CUL4A: variants seen among roughly 807,000 people sequenced by gnomAD.
The protein encoded by CUL4A is cullin 4A, also known as cullin-4A.
CUL4A carries 16 observed loss-of-function variants against 95.5 expected under a neutral mutation model. The ratio of observed to expected loss-of-function variants is 0.17; its 90% CI spans 0.11 to 0.25. The LOEUF (loss-of-function observed/expected upper bound fraction) is 0.25. CUL4A is among the 10% of genes least tolerant of loss of function. CUL4A has a pLI of 1.00. For synonymous variants in CUL4A, 380 were observed against 353.1 expected (o/e 1.08, Z -0.85); for missense variants, 610 against 937.0 (o/e 0.65, Z 4.56).
At chr13:113,226,054 G>A (rs562518289) in intron 3 of CUL4A, among the ~76,000 whole-genome samples, 6 of 152,184 alleles carry the variant, frequency 3.9e-5, no homozygotes, top group Non-Finnish European at 5.9e-5. Context: ...CAGACCCCCC[G>A]GGAGCCCCTT....
chr13:113,224,071 C>T (rs1037585200), intron 3 of CUL4A, among the ~76,000 whole-genome samples: 10 of 152,250 alleles, frequency 6.6e-5, no homozygotes, highest in East Asian at 5.8e-4. Flanking sequence ...ATGTCAAGCC[C>T]GCAGAGTGCG....
chr13:113,250,004 T>G (rs1321210420), intron 15 of CUL4A, among the ~76,000 whole-genome samples: 2 of 152,210 alleles, frequency 1.3e-5, no homozygotes, highest in East Asian at 3.8e-4. Context: ...CCTTATCAGA[T>G]CTGTGATTTG....
chr13:113,227,891 G>C, intron 3 of CUL4A, 85 bp from the exon 4 acceptor site: 1 of 804,976 alleles, frequency 1.2e-6, no homozygotes, highest in Non-Finnish European at 2.0e-6. Flanking sequence ...CTGGGCGACA[G>C]AGCGAGACTC....
intron 2 of CUL4A, among the ~76,000 whole-genome samples, chr13:113,210,760 C>T (rs1271862181): frequency 6.6e-6 from 1 of 151,896 alleles, no homozygotes; most frequent in Non-Finnish European, 1.5e-5. Context: ...CACGATGTGT[C>T]ATACAATTAT....
At chr13:113,217,551 C>T (rs1257177427) in intron 2 of CUL4A, among the ~76,000 whole-genome samples, 1 of 149,934 alleles carries the variant, frequency 6.7e-6, no homozygotes, top group Non-Finnish European at 1.5e-5. Flanking sequence ...TGGTAGTAAT[C>T]ACTGTATGTA....
rs77043721 is a variant in CUL4A, at chr13:113,242,268, CAAAA to C, written c.1036-691_1036-688del. The stretch of plus-strand genomic sequence containing the variant: ...GACAAAGCGAGAGTCCATCTCAAAA[CAAAA>C]AAAAAAAAGTACAAACTAAAAAAGT... On this transcript the variant is annotated intron_variant, in intron 10 of 19. Transcript: ENST00000375440. Among the ~76,000 whole-genome samples, 3 of 128,824 alleles carry C rather than the reference CAAAA, an allele frequency of 2.3e-5. No individual in the cohort carries two copies. In the East Asian group the frequency reaches 6.8e-4, roughly 29 times the overall value. 84.5% of individuals were successfully genotyped at this position (128,824 alleles called of 152,430 possible).
intron 15 of CUL4A, among the ~76,000 whole-genome samples, chr13:113,246,621 CAAGT>C (rs2041864977): frequency 6.6e-6 from 1 of 152,140 alleles, no homozygotes; most frequent in Admixed American, 6.5e-5. Context: ...AGCCTGATAT[CAAGT>C]AAAGATGAAT....
At chr13:113,229,834 G>A in intron 5 of CUL4A, 1 of 468,130 alleles carries the variant, frequency 2.1e-6, no homozygotes, top group East Asian at 3.3e-5. Flanking sequence ...TTCCAGCGCT[G>A]CAGTTGAAAC....
At chr13:113,232,050 C>CGTCCACCACCATTACTGTCACCACTACCT in intron 5 of CUL4A, among the ~76,000 whole-genome samples, 1 of 84,702 alleles carries the variant, frequency 1.2e-5, no homozygotes, top group African/African-American at 4.3e-5. Context: ...CACCACTACC[C>CGTCCACCACCATTACTGTCACCACTACCT]GCCCACCACC....
chr13:113,254,626 C>G, intron 16 of CUL4A, 67 bp from the exon 17 acceptor site: 1 of 1,122,102 alleles, frequency 8.9e-7, no homozygotes, highest in Non-Finnish European at 1.3e-6. Context: ...CAAAAAGAAG[C>G]TTCTTTTAAT....
intron 8 of CUL4A, 92 bp from the exon 9 acceptor site, chr13:113,236,731 A>G: frequency 1.0e-5 from 8 of 792,742 alleles, no homozygotes; most frequent in Non-Finnish European, 1.5e-5. Context: ...TCTAGACTGC[A>G]TCTGTCATAG....
chr13:113,251,980 G>A (rs955647462), intron 15 of CUL4A, among the ~76,000 whole-genome samples: 12 of 152,264 alleles, frequency 7.9e-5, no homozygotes, highest in South Asian at 4.1e-4. Flanking sequence ...GAGCCCTTGC[G>A]TGCGCAGCAC....
Position 113,218,999 on chromosome 13 carries a change from C to T in CUL4A, c.319C>T (p.Arg107Cys), listed in dbSNP as rs200825752. Residue 107 changes from arginine (R) to cysteine (C), a missense_variant, in exon 3 of 20, where the codon CGT becomes TGT. Arg to Cys is a radical substitution (Grantham distance 180, BLOSUM62 -3). Around this residue, in one of 10 missense-constraint regions of CUL4A, gnomAD observed 168 missense variants for 185.5 expected, o/e 0.91. Coordinates refer to ENST00000375440, the MANE Select transcript of CUL4A (RefSeq NM_001008895.4). ...CTCCCCAATGCTCTACAAGCAACTG[C>T]GTCAGGCCTGTGAAGACCACGTCCA... is the stretch of plus-strand genomic sequence containing the variant. ...KVSPMLYKQL[R>C]QACEDHVQAQ... 274 of 1,613,550 alleles carry T rather than the reference C, an allele frequency of 1.7e-4. 1 individual carries two copies. The highest frequency in any genetic ancestry group is 2.3e-4 in the Non-Finnish European group (266 of 1,179,900).
At chr13:113,261,904 C>T (rs191931837) in intron 19 of CUL4A, among the ~76,000 whole-genome samples, 596 of 152,318 alleles carry the variant, frequency 3.9e-3, no homozygotes, top group Non-Finnish European at 5.7e-3. Flanking sequence ...CCTCAGCCTC[C>T]TGAGTAGCTG....
rs145672885 is a variant in CUL4A, at chr13:113,232,745, A to G, written c.513-432A>G. ...GGCTTGGAGAAGGGAAGCTGCTGGG[A>G]CGTGCTCAGCAGAGGACACTGGGAA... On this transcript the variant is annotated intron_variant, in intron 5 of 19. Transcript: ENST00000375440. Among the ~76,000 whole-genome samples, 6 of 152,304 alleles carry G rather than the reference A, an allele frequency of 3.9e-5. No individual in the cohort carries two copies. The East Asian group carries it at 1.2e-3, about 29-fold the overall frequency.
intron 8 of CUL4A, among the ~76,000 whole-genome samples, chr13:113,235,839 C>T (rs1056941589): frequency 3.3e-5 from 5 of 152,042 alleles, no homozygotes; most frequent in Admixed American, 2.0e-4. Flanking sequence ...GGCGTGGTGG[C>T]GGGAACCTAT....
At chr13:113,263,230 C>G (rs1035487282) in intron 19 of CUL4A, among the ~76,000 whole-genome samples, 1 of 152,166 alleles carries the variant, frequency 6.6e-6, no homozygotes, top group African/African-American at 2.4e-5. Flanking sequence ...ACGTTTCCCT[C>G]AGGAAACCAC....
chr13:113,229,376 T>TTC, intron 4 of CUL4A, 70 bp from the exon 5 acceptor site: 1 of 1,328,886 alleles, frequency 7.5e-7, no homozygotes, highest in Non-Finnish European at 1.1e-6. Flanking sequence ...AGCATGGAGT[T>TTC]AAAAGGCCTG....
At chr13:113,257,806 T>C (rs1489765605) in intron 18 of CUL4A, among the ~76,000 whole-genome samples, 2 of 152,234 alleles carry the variant, frequency 1.3e-5, no homozygotes, top group African/African-American at 2.4e-5. Context: ...AGTTTTTACA[T>C]TTAAATCTTT....
Sources: allele counts gnomAD v4.1 joint callset (sites outside exome capture counted in the v4.1 genomes callset), GRCh38; gene constraint gnomAD v4.1.1; regional missense constraint gnomAD v4.1.1; transcripts MANE v1.5; gene names NCBI Gene and HGNC (gene_info 2026-07-23, HGNC 2026-07-21).